The following TSHB variants were observed in gnomAD, a reference collection of about 807,000 sequenced individuals.
The protein encoded by TSHB is thyrotropin subunit beta.
A neutral mutation model predicts 9.3 loss-of-function variants in TSHB; 9 were observed. The ratio of observed to expected loss-of-function variants is 0.97; its 90% CI spans 0.58 to 1.69. The LOEUF is 1.69. Ranked by LOEUF, TSHB falls within the 40% of genes most tolerant of loss-of-function variation. The pLI, the probability that TSHB is intolerant of heterozygous loss-of-function variation, is 0.00. For missense variants in TSHB, 182 were observed against 168.5 expected (o/e 1.08, Z -0.44); for synonymous variants, 57 against 57.2 (o/e 1.00, Z 0.01).
chr1:115,033,551 G>C (rs1443005491), intron 2 of TSHB, 27 bp downstream of exon 2: 2 of 1,600,406 alleles, frequency 1.2e-6, no homozygotes, highest in East Asian at 2.2e-5. Context: ...ACTTCTTTTG[G>C]CTGTAAATTA....
At chr1:115,030,415 C>A (rs914837702) in intron 1 of TSHB, among the ~76,000 whole-genome samples, 1 of 151,728 alleles carries the variant, frequency 6.6e-6, no homozygotes, top group Non-Finnish European at 1.5e-5. Context: ...TAGTGAAGTT[C>A]CAGGATTATT....
chr1:115,031,737 A>G (rs772970105), intron 1 of TSHB, among the ~76,000 whole-genome samples: 1 of 152,046 alleles, frequency 6.6e-6, no homozygotes, highest in African/African-American at 2.4e-5. Context: ...ACTCTGTACC[A>G]TAGAGGGAGC....
chr1:115,030,909 G>T (rs1260438141), intron 1 of TSHB, among the ~76,000 whole-genome samples: 1 of 151,836 alleles, frequency 6.6e-6, no homozygotes, highest in African/African-American at 2.4e-5. Context: ...TTTTAGGAAG[G>T]GACATATGGA....
chr1:115,033,776 G>A, intron 2 of TSHB, 197 bp from the exon 3 acceptor site: 1 of 290,160 alleles, frequency 3.4e-6, no homozygotes, highest in Non-Finnish European at 5.1e-6. Flanking sequence ...GATCAACGAT[G>A]AAAGAGAGGA....
intron 1 of TSHB, among the ~76,000 whole-genome samples, chr1:115,032,768 C>G (rs1674922026): frequency 6.6e-6 from 1 of 151,708 alleles, no homozygotes; most frequent in Non-Finnish European, 1.5e-5. Context: ...TATGATATAT[C>G]CAATATGATA....
intron 1 of TSHB, among the ~76,000 whole-genome samples, chr1:115,031,450 G>A (rs1319825796): frequency 6.6e-6 from 1 of 151,952 alleles, no homozygotes; most frequent in South Asian, 2.1e-4. Flanking sequence ...TTTTAGTCAA[G>A]TTCTCATAGA....
chr1:115,030,400 T>C (rs1422616649), intron 1 of TSHB, among the ~76,000 whole-genome samples: 1 of 152,052 alleles, frequency 6.6e-6, no homozygotes, highest in Non-Finnish European at 1.5e-5. Context: ...AAAAATATAC[T>C]GCTTTAGTGA....
rs371058335 is a variant in TSHB, at chr1:115,034,110, T to A, written c.300T>A (p.Ala100=). Residue 100 remains alanine, a synonymous_variant, in exon 3 of 3, where the codon GCT becomes GCA. Transcript: ENST00000256592. ...HVAPYFSYPV[A]LSCKCGKCNT... is the part of the protein sequence containing the mutation. Reference sequence around the variant, plus strand: ...CTCCCTATTTTTCCTATCCTGTTGCTTTAAGCTGTAAGTGTGGCAAGTGCA... The same window carrying A: ...CTCCCTATTTTTCCTATCCTGTTGCATTAAGCTGTAAGTGTGGCAAGTGCA... The A allele has an allele frequency of 6.2e-7, 1 of 1,613,754 alleles. No individual in the cohort carries two copies. The highest frequency in any genetic ancestry group is 1.3e-5 in the African/African-American group (1 of 74,878).
At chr1:115,031,966 T>G (rs1017382244) in intron 1 of TSHB, among the ~76,000 whole-genome samples, 1 of 152,052 alleles carries the variant, frequency 6.6e-6, no homozygotes, top group Non-Finnish European at 1.5e-5. Context: ...ATAAGAAGTA[T>G]AGTAAACATA....
chr1:115,032,963 T>C lies in TSHB; in HGVS notation c.-1-399T>C, dbSNP rs1674927786. Among the ~76,000 whole-genome samples the C allele has an allele frequency of 2.0e-5, 3 of 151,572 alleles. 1 individual carries two copies. The South Asian group carries it at 6.3e-4, about 32-fold the overall frequency. On this transcript the variant is annotated intron_variant, in intron 1 of 2. Coordinates refer to ENST00000256592, the MANE Select transcript of TSHB (RefSeq NM_000549.5). ...TTTAATATTCCTGGCTAACCCATAA[T>C]GGAGCTGTCATCCTTGATTGTATTC... is the stretch of plus-strand genomic sequence containing the variant.
intron 1 of TSHB, among the ~76,000 whole-genome samples, chr1:115,033,049 A>G (rs1281042974): frequency 6.7e-6 from 1 of 149,590 alleles, no homozygotes; most frequent in Non-Finnish European, 1.5e-5. Context: ...AACAAATTAC[A>G]TACCTGTTCT....
chr1:115,032,710 C>T (rs1304229013), intron 1 of TSHB, among the ~76,000 whole-genome samples: 2 of 151,796 alleles, frequency 1.3e-5, no homozygotes, highest in African/African-American at 4.8e-5. Flanking sequence ...TAACATTATC[C>T]AGAGGGATAA....
intron 2 of TSHB, 167 bp downstream of exon 2, chr1:115,033,691 C>A: frequency 4.3e-6 from 1 of 230,324 alleles, no homozygotes. Context: ...TGTGAATCTA[C>A]TCAGCACAAT....
chr1:115,033,295 T>G (rs889537835), intron 1 of TSHB, 67 bp from the exon 2 acceptor site: 5 of 1,503,564 alleles, frequency 3.3e-6, no homozygotes, highest in Admixed American at 1.7e-5. Context: ...TTGGTTATAC[T>G]TTTTCTTGGT....
At chr1:115,033,318 T>G (rs1345337212) in intron 1 of TSHB, 44 bp from the exon 2 acceptor site, 1 of 1,599,676 alleles carries the variant, frequency 6.3e-7, no homozygotes, top group Non-Finnish European at 8.6e-7. Flanking sequence ...CTTTGCCCTT[T>G]CTGATTTTAA....
At chr1:115,033,303 G>A in intron 1 of TSHB, 59 bp from the exon 2 acceptor site, 2 of 1,533,378 alleles carry the variant, frequency 1.3e-6, no homozygotes, top group Admixed American at 1.7e-5. Context: ...ACTTTTTCTT[G>A]GTTTCTTTGC....
At position 115,033,953 on chromosome 1, in the gene TSHB, C is replaced by T; in HGVS notation, c.163-20C>T. ...CTAAAGTCCTGTCACATTATGCTCT[C>T]TTTTCTGTTCTTTCCCCAGGATATC... On this transcript the variant is annotated intron_variant, in intron 2 of 2. Transcript: ENST00000256592. The T allele has an allele frequency of 3.1e-6, 5 of 1,612,336 alleles. No homozygotes were observed. The highest frequency in any genetic ancestry group is 3.4e-6 in the Non-Finnish European group (4 of 1,179,474).
intron 2 of TSHB, 36 bp from the exon 3 acceptor site, chr1:115,033,937 T>C (rs770567150): frequency 6.2e-7 from 1 of 1,609,892 alleles, no homozygotes; most frequent in Admixed American, 1.7e-5. Context: ...CCTAAAGTCC[T>C]GTCACATTAT....
At chr1:115,033,761 C>A in intron 2 of TSHB, 1 of 259,168 alleles carries the variant, frequency 3.9e-6, no homozygotes, top group Non-Finnish European at 6.0e-6. Flanking sequence ...TTATCTTGTT[C>A]CCATGATCAA....
Sources: gnomAD v4.1 joint callset for allele counts (sites outside exome capture counted in the v4.1 genomes callset) on GRCh38, gnomAD v4.1.1 for gene constraint, MANE v1.5 for transcripts, NCBI Gene and HGNC (gene_info 2026-07-23, HGNC 2026-07-21) for gene names.